Variants in SOX5 observed in about 807,000 individuals in gnomAD.
SOX5 encodes SRY-box transcription factor 5, also known as transcription factor SOX-5.
A neutral mutation model predicts 92.0 loss-of-function variants in SOX5; 9 were observed. The ratio of observed to expected loss-of-function variants is 0.10; its 90% CI spans 0.06 to 0.17. The LOEUF is 0.17. Among genes scored for constraint, SOX5 ranks in the 10% least tolerant of loss-of-function variants. SOX5 has a pLI of 1.00. For missense variants in SOX5, 642 were observed against 944.5 expected (o/e 0.68, Z 4.20); for synonymous variants, 344 against 336.3 (o/e 1.02, Z -0.25).
chr12:23,945,738 A>AGGTG (rs1944483469), intron 1 of SOX5, among the ~76,000 whole-genome samples: 1 of 152,194 alleles, frequency 6.6e-6, no homozygotes, highest in African/African-American at 2.4e-5. Context: ...AGTTGCCATT[A>AGGTG]GGTGACAGAA....
chr12:23,827,875 A>C (rs934057522), intron 3 of SOX5, among the ~76,000 whole-genome samples: 1 of 152,200 alleles, frequency 6.6e-6, no homozygotes, highest in Non-Finnish European at 1.5e-5. Flanking sequence ...GTCCTGCCAG[A>C]GCAATATTTC....
chr12:24,388,423 T>TGCA (rs754523294), intron 1 of SOX5, among the ~76,000 whole-genome samples: 1 of 152,102 alleles, frequency 6.6e-6, no homozygotes, highest in Non-Finnish European at 1.5e-5. Context: ...CATGCATTCC[T>TGCA]GCAGCCCTGC....
At chr12:24,332,139 A>C (rs148639610) in intron 2 of SOX5, among the ~76,000 whole-genome samples, 6 of 152,294 alleles carry the variant, frequency 3.9e-5, no homozygotes, top group Non-Finnish European at 7.4e-5. Context: ...CTTATGAATG[A>C]AAAAAGATGC....
chr12:24,326,997 C>T (rs565972452), intron 2 of SOX5, among the ~76,000 whole-genome samples: 2 of 152,200 alleles, frequency 1.3e-5, no homozygotes, highest in East Asian at 1.9e-4. Flanking sequence ...TTTGGCACAG[C>T]GTCTCAGACA....
intron 1 of SOX5, among the ~76,000 whole-genome samples, chr12:24,464,199 T>C (rs368797761): frequency 1.3e-5 from 2 of 152,224 alleles, no homozygotes; most frequent in African/African-American, 4.8e-5. Context: ...GTTTATATGA[T>C]GTGTGCATGT....
chr12:24,027,949 G>C (rs770267850), intron 4 of SOX5, among the ~76,000 whole-genome samples: 1 of 151,812 alleles, frequency 6.6e-6, no homozygotes, highest in African/African-American at 2.4e-5. Flanking sequence ...TTCTCCAATC[G>C]GGTTCCTCCT....
intron 1 of SOX5, among the ~76,000 whole-genome samples, chr12:24,485,885 T>C (rs776753211): frequency 1.3e-5 from 2 of 152,204 alleles, no homozygotes; most frequent in Non-Finnish European, 1.5e-5. Context: ...TTTCAATTTT[T>C]ATAAATGTTT....
chr12:23,978,684 T>C (rs1569363904), intron 4 of SOX5, among the ~76,000 whole-genome samples: 1 of 152,190 alleles, frequency 6.6e-6, no homozygotes, highest in Non-Finnish European at 1.5e-5. Context: ...TTTTTCACTC[T>C]GTGTTCTGTG....
chr12:23,548,103 T>C (rs924478849), intron 11 of SOX5, among the ~76,000 whole-genome samples: 1 of 152,242 alleles, frequency 6.6e-6, no homozygotes, highest in African/African-American at 2.4e-5. Flanking sequence ...TTGAGGAATG[T>C]ACGGGGCTTG....
chr12:24,430,083 G>C (rs1420726384), intron 1 of SOX5, among the ~76,000 whole-genome samples: 1 of 151,940 alleles, frequency 6.6e-6, no homozygotes, highest in Non-Finnish European at 1.5e-5. Flanking sequence ...AAATCTTAGG[G>C]GTATAATTTA....
intron 1 of SOX5, among the ~76,000 whole-genome samples, chr12:24,498,214 T>TAA (rs545118262): frequency 2.1e-5 from 3 of 143,020 alleles, no homozygotes; most frequent in African/African-American, 7.7e-5. Context: ...ACTTAAAATG[T>TAA]AAAAAAAAAA....
chr12:24,420,368 C>T (rs771940035), intron 1 of SOX5, among the ~76,000 whole-genome samples: 2 of 152,134 alleles, frequency 1.3e-5, no homozygotes, highest in African/African-American at 2.4e-5. Flanking sequence ...AAGATAACTA[C>T]AGCCATGTGA....
rs67253622 is a variant in SOX5 at position 23,979,698 on chromosome 12, G to GTTTTTTTTTTTTTTTTTTTT, written c.-1-83675_-1-83674insAAAAAAAAAAAAAAAAAAAA. On this transcript the variant is annotated intron_variant, in intron 4 of 4. Transcript: ENST00000446891. ...TTCTTCCTTCCATATATATATATAT[G>GTTTTTTTTTTTTTTTTTTTT]TTTTTTTTGTTTTTTTTTTTTTTTT... Among the ~76,000 whole-genome samples the GTTTTTTTTTTTTTTTTTTTT allele has an allele frequency of 1.4e-3, 88 of 64,704 alleles. 31 individuals carry two copies. The East Asian group carries it at 0.019, about 14-fold the overall frequency. 42.4% of individuals were successfully genotyped at this position (64,704 alleles called of 152,430 possible).
intron 2 of SOX5, among the ~76,000 whole-genome samples, chr12:24,325,938 G>C (rs190774791): frequency 6.6e-6 from 1 of 152,230 alleles, no homozygotes; most frequent in Middle Eastern, 3.4e-3. Context: ...TAAGATGTTC[G>C]GTACTTGGCA....
intron 8 of SOX5, among the ~76,000 whole-genome samples, chr12:23,636,729 A>C (rs943858973): frequency 2.0e-5 from 3 of 152,220 alleles, no homozygotes; most frequent in African/African-American, 7.2e-5. Flanking sequence ...CAAAGCACAC[A>C]GAGTATTTGT....
chr12:24,439,622 C>T (rs1288759986), intron 1 of SOX5, among the ~76,000 whole-genome samples: 2 of 152,164 alleles, frequency 1.3e-5, no homozygotes, highest in East Asian at 3.8e-4. Flanking sequence ...AGTCCGGGCG[C>T]AGTAGCTCAC....
intron 2 of SOX5, among the ~76,000 whole-genome samples, chr12:24,352,134 G>C (rs1238424781): frequency 6.6e-6 from 1 of 152,192 alleles, no homozygotes; most frequent in Non-Finnish European, 1.5e-5. Flanking sequence ...ATGAGATTTT[G>C]TGAGCTTAGG....
chr12:24,185,274 C>G (rs1034156150), intron 4 of SOX5, among the ~76,000 whole-genome samples: 2 of 152,198 alleles, frequency 1.3e-5, no homozygotes, highest in South Asian at 2.1e-4. Flanking sequence ...CTTCCCATTG[C>G]TCCTAGAATA....
chr12:24,512,172 A>G (rs954936272), intron 1 of SOX5, among the ~76,000 whole-genome samples: 7 of 152,204 alleles, frequency 4.6e-5, no homozygotes, highest in Non-Finnish European at 8.8e-5. Context: ...ACCTTCCTCT[A>G]TGCCAGAAGT....
Sources: allele counts gnomAD v4.1 joint callset (sites outside exome capture counted in the v4.1 genomes callset), GRCh38; gene constraint gnomAD v4.1.1; transcripts MANE v1.5; gene names NCBI Gene and HGNC (gene_info 2026-07-23, HGNC 2026-07-21).